Variants in XKR4 observed in about 807,000 individuals in gnomAD.
XKR4 encodes the protein XK related 4, also known as XK-related protein 4.
XKR4 carries 12 observed loss-of-function variants against 53.9 expected under a neutral mutation model. The observed-to-expected ratio is 0.22, with a 90% confidence interval of 0.14 to 0.36. XKR4 has a LOEUF of 0.36. XKR4 is among the 10% of genes least tolerant of loss of function. XKR4 has a pLI of 1.00. For missense variants in XKR4, 799 were observed against 859.5 expected (o/e 0.93, Z 0.88); for synonymous variants, 354 against 362.4 (o/e 0.98, Z 0.26).
chr8:55,374,972 T>G (rs1804125712), intron 2 of XKR4, among the ~76,000 whole-genome samples: 1 of 152,188 alleles, frequency 6.6e-6, no homozygotes, highest in South Asian at 2.1e-4. Flanking sequence ...AGGAGCACTT[T>G]TCCTGCCTCT....
chr8:55,491,202 T>C lies in XKR4; in HGVS notation c.1007-32079T>C, dbSNP rs147072264. Among the ~76,000 whole-genome samples, 80 of 152,338 alleles carry C rather than the reference T, an allele frequency of 5.3e-4. No homozygotes were observed. In the East Asian group the frequency reaches 0.014, roughly 26 times the overall value. ...GCTCTATTTTATATCTTTTCTTTCC[T>C]CATGATGTCCATGTTTTCTTCTACA... On this transcript the variant is annotated intron_variant, in intron 2 of 2. Transcript: ENST00000327381.
chr8:55,350,551 G>C (rs548676037), intron 1 of XKR4, among the ~76,000 whole-genome samples: 1 of 152,134 alleles, frequency 6.6e-6, no homozygotes, highest in African/African-American at 2.4e-5. Flanking sequence ...GTCACAAAAA[G>C]ACCAATACTG....
intron 1 of XKR4, among the ~76,000 whole-genome samples, chr8:55,225,613 A>T (rs1249492116): frequency 6.6e-6 from 1 of 152,228 alleles, no homozygotes; most frequent in Non-Finnish European, 1.5e-5. Context: ...TTTTCATTTT[A>T]GTCATAATTC....
At chr8:55,208,217 G>A (rs1213423649) in intron 1 of XKR4, among the ~76,000 whole-genome samples, 2 of 152,230 alleles carry the variant, frequency 1.3e-5, no homozygotes, top group South Asian at 2.1e-4. Context: ...TTTCCAGTAT[G>A]TAATATTATT....
chr8:55,440,502 A>C (rs753339635), intron 2 of XKR4, among the ~76,000 whole-genome samples: 8 of 152,186 alleles, frequency 5.3e-5, no homozygotes, highest in Non-Finnish European at 8.8e-5. Flanking sequence ...AGGTGGGCAA[A>C]TATTCTGATT....
chr8:55,160,107 T>C (rs907197508), intron 1 of XKR4, among the ~76,000 whole-genome samples: 2 of 152,194 alleles, frequency 1.3e-5, no homozygotes, highest in African/African-American at 4.8e-5. Context: ...TAAGGAAGTA[T>C]GCATGATTGG....
At chr8:55,499,940 A>G (rs1282718995) in intron 2 of XKR4, among the ~76,000 whole-genome samples, 1 of 152,190 alleles carries the variant, frequency 6.6e-6, no homozygotes, top group South Asian at 2.1e-4. Context: ...CAGAGTATGC[A>G]TACCTCTTGA....
In XKR4 at chr8:55,270,947, C is replaced by T. The variant is rs529505123; in HGVS notation, c.807-86731C>T. Reference sequence around the variant, plus strand: ...TTAAGAGTGAGCTGCAATACTTCAACTCATTTCCATTGGCCAGAACATCAA... The same window carrying T: ...TTAAGAGTGAGCTGCAATACTTCAATTCATTTCCATTGGCCAGAACATCAA... On this transcript the variant is annotated intron_variant, in intron 1 of 2. Transcript: ENST00000327381. 3.3e-4 allele frequency among the ~76,000 whole-genome samples: 50 copies of T among 152,288 alleles called. 1 individual carries two copies. The highest frequency in any genetic ancestry group is 1.2e-3 in the African/African-American group (49 of 41,574).
At chr8:55,434,423 GT>G (rs1805146090) in intron 2 of XKR4, among the ~76,000 whole-genome samples, 1 of 151,690 alleles carries the variant, frequency 6.6e-6, no homozygotes, top group Non-Finnish European at 1.5e-5. Flanking sequence ...GTGTGTGTGT[GT>G]GTGTGTGTGT....
intron 1 of XKR4, among the ~76,000 whole-genome samples, chr8:55,182,331 T>A (rs746986120): frequency 5.3e-5 from 8 of 152,124 alleles, no homozygotes; most frequent in Non-Finnish European, 1.2e-4. Flanking sequence ...TTTTATGGAT[T>A]ACACTTTGGT....
intron 2 of XKR4, among the ~76,000 whole-genome samples, chr8:55,497,942 T>A (rs918763957): frequency 6.6e-6 from 1 of 152,008 alleles, no homozygotes; most frequent in Admixed American, 6.6e-5. Context: ...CAGACTCAGA[T>A]CCCCATCCCC....
intron 1 of XKR4, among the ~76,000 whole-genome samples, chr8:55,313,576 G>A (rs1244208382): frequency 6.6e-6 from 1 of 152,148 alleles, no homozygotes; most frequent in African/African-American, 2.4e-5. Context: ...CACTAGATGG[G>A]GGTGTCTACT....
chr8:55,242,012 G>GAAATGTAAATA (rs1818216990), intron 1 of XKR4, among the ~76,000 whole-genome samples: 1 of 152,168 alleles, frequency 6.6e-6, no homozygotes, highest in South Asian at 2.1e-4. Context: ...ATTTCTTCTT[G>GAAATGTAAATA]AAATGTAAAT....
intron 1 of XKR4, among the ~76,000 whole-genome samples, chr8:55,255,763 T>A (rs964357757): frequency 1.3e-5 from 2 of 152,124 alleles, no homozygotes; most frequent in African/African-American, 4.8e-5. Flanking sequence ...TTGTTTAAGT[T>A]TGTGAAGTCA....
At chr8:55,473,508 T>G (rs762769523) in intron 2 of XKR4, among the ~76,000 whole-genome samples, 4 of 152,250 alleles carry the variant, frequency 2.6e-5, no homozygotes, top group East Asian at 1.9e-4. Flanking sequence ...CTCCACATAA[T>G]TGGTATAGCT....
chr8:55,513,986 T>C (rs1378262212), intron 2 of XKR4, among the ~76,000 whole-genome samples: 1 of 152,198 alleles, frequency 6.6e-6, no homozygotes, highest in Non-Finnish European at 1.5e-5. Flanking sequence ...TCTGTTTAGG[T>C]ATTTATGGCT....
intron 1 of XKR4, among the ~76,000 whole-genome samples, chr8:55,225,856 T>C (rs1054176223): frequency 3.3e-5 from 5 of 152,278 alleles, no homozygotes; most frequent in Non-Finnish European, 7.4e-5. Flanking sequence ...GTCTCAAGTG[T>C]TTTAGTTTGT....
chr8:55,263,056 C>T (rs1334886966), intron 1 of XKR4, among the ~76,000 whole-genome samples: 1 of 152,210 alleles, frequency 6.6e-6, no homozygotes, highest in Non-Finnish European at 1.5e-5. Context: ...TCTGACCACC[C>T]TGCTCTTTCT....
intron 2 of XKR4, among the ~76,000 whole-genome samples, chr8:55,419,747 C>T (rs1418967545): frequency 6.6e-6 from 1 of 152,232 alleles, no homozygotes; most frequent in Non-Finnish European, 1.5e-5. Flanking sequence ...CTTTTCATCA[C>T]TTAAGCTTCA....
Sources: allele counts gnomAD v4.1 joint callset (sites outside exome capture counted in the v4.1 genomes callset), GRCh38; gene constraint gnomAD v4.1.1; transcripts MANE v1.5; gene names NCBI Gene and HGNC (gene_info 2026-07-23, HGNC 2026-07-21).